Variants in MYT1L observed in about 807,000 individuals in gnomAD.
MYT1L encodes the protein myelin transcription factor 1 like, also known as myelin transcription factor 1-like protein.
In MYT1L, 12 loss-of-function variants were observed where a neutral mutation model predicts 126.7. That is an observed-to-expected ratio of 0.09 (90% CI 0.06 to 0.15). The LOEUF is 0.15. Ranked by LOEUF, MYT1L falls within the 10% of genes least tolerant of loss-of-function variation. MYT1L has a pLI of 1.00. For missense variants in MYT1L, 979 were observed against 1,585.2 expected (o/e 0.62, Z 6.49); for synonymous variants, 541 against 604.2 (o/e 0.90, Z 1.53).
intron 13 of MYT1L, among the ~76,000 whole-genome samples, chr2:1,905,634 G>A (rs117644104): frequency 3.3e-5 from 5 of 152,274 alleles, no homozygotes; most frequent in East Asian, 1.9e-4. Context: ...GATTACAGGC[G>A]CCAGCAACCA....
intron 2 of MYT1L, among the ~76,000 whole-genome samples, chr2:2,223,844 A>G (rs2093944888): frequency 1.3e-5 from 2 of 152,206 alleles, no homozygotes; most frequent in Non-Finnish European, 2.9e-5. Flanking sequence ...AGCAAAAGCT[A>G]TGCAAACACA....
chr2:2,135,561 T>C (rs1271864017), intron 3 of MYT1L, among the ~76,000 whole-genome samples: 1 of 152,210 alleles, frequency 6.6e-6, no homozygotes, highest in Non-Finnish European at 1.5e-5. Flanking sequence ...TGTCCCAAAG[T>C]ATGACACATG....
chr2:1,833,234 G>C (rs1018734106), intron 21 of MYT1L, among the ~76,000 whole-genome samples: 3 of 152,166 alleles, frequency 2.0e-5, no homozygotes, highest in Non-Finnish European at 2.9e-5. Context: ...AGGCTCTTAT[G>C]TGAGTCTGTT....
chr2:1,860,764 A>G (rs115887454), intron 18 of MYT1L, among the ~76,000 whole-genome samples: 2,050 of 151,986 alleles, frequency 0.013, 35 homozygotes, highest in African/African-American at 0.047. Context: ...AGAGGCAAGG[A>G]CTGTTTGTCC....
At chr2:2,142,163 C>T (rs1418452967) in intron 3 of MYT1L, among the ~76,000 whole-genome samples, 2 of 152,238 alleles carry the variant, frequency 1.3e-5, no homozygotes, top group East Asian at 1.9e-4. Context: ...CTGTTTGAGC[C>T]TTGTTCAGGA....
intron 18 of MYT1L, among the ~76,000 whole-genome samples, chr2:1,869,053 A>T (rs548442415): frequency 6.6e-6 from 1 of 152,380 alleles, no homozygotes; most frequent in Admixed American, 6.5e-5. Context: ...CTAGAGCTTC[A>T]GCCAGGACTG....
Position 2,071,484 on chromosome 2 carries a change from G to A in MYT1L, c.-303-17361C>T, listed in dbSNP as rs55676009. ...CAACTGGATGAGTACCATACAATAC[G>A]ATAAATGTCCTTACAATACAGAAAA... On this transcript the variant is annotated intron_variant, in intron 3 of 24. Coordinates refer to ENST00000647738, the MANE Select transcript of MYT1L (RefSeq NM_001303052.2). 8.4e-3 allele frequency among the ~76,000 whole-genome samples: 1,278 copies of A among 152,262 alleles called. 17 individuals are homozygous for A. The highest frequency in any genetic ancestry group is 0.026 in the African/African-American group (1,066 of 41,546).
intron 2 of MYT1L, 73 bp from the exon 3 acceptor site, chr2:2,173,061 CCT>C (rs757106298): frequency 6.6e-6 from 1 of 152,214 alleles, no homozygotes; most frequent in African/African-American, 2.4e-5. Context: ...GGTTTGTTCC[CCT>C]GTGCTGTGAC....
intron 22 of MYT1L, among the ~76,000 whole-genome samples, chr2:1,807,421 T>C (rs959872559): frequency 4.9e-4 from 75 of 152,030 alleles, no homozygotes; most frequent in African/African-American, 1.6e-3. Flanking sequence ...TTGGTGGATT[T>C]GGGGAGGAGG....
intron 3 of MYT1L, among the ~76,000 whole-genome samples, chr2:2,101,256 C>A (rs1488812045): frequency 6.6e-6 from 1 of 152,046 alleles, no homozygotes; most frequent in Non-Finnish European, 1.5e-5. Context: ...GCAGATCTCA[C>A]CAGCACTAAC....
intron 2 of MYT1L, among the ~76,000 whole-genome samples, chr2:2,200,313 T>C (rs1309825696): frequency 6.6e-6 from 1 of 152,120 alleles, no homozygotes; most frequent in Non-Finnish European, 1.5e-5. Context: ...AATTACTAGG[T>C]TGGAGGGCAA....
intron 14 of MYT1L, among the ~76,000 whole-genome samples, chr2:1,898,886 T>TG (rs1364111192): frequency 6.6e-6 from 1 of 150,928 alleles, no homozygotes; most frequent in Non-Finnish European, 1.5e-5. Context: ...TCCAGAGGAG[T>TG]CATGAAGGAG....
Position 2,224,190 on chromosome 2 carries a change from C to A in MYT1L, c.-420-51202G>T, listed in dbSNP as rs1299289862. On this transcript the variant is annotated intron_variant, in intron 2 of 24. Coordinates refer to ENST00000647738, the MANE Select transcript of MYT1L (RefSeq NM_001303052.2). This position sits in a 1 kb window ranked among gnomAD's most constrained non-coding sequence, Gnocchi z 4.0. ...ATTTGTATGTGAACAGGATCTTCTG[C>A]CTTTCTTATAGGGAAGAATTCTGTG... Among the ~76,000 whole-genome samples, 3 of 152,148 alleles carry A rather than the reference C, an allele frequency of 2.0e-5. No homozygotes were observed. In the East Asian group the frequency reaches 5.8e-4, roughly 29 times the overall value.
At chr2:2,028,931 G>T (rs1454805951) in intron 4 of MYT1L, among the ~76,000 whole-genome samples, 15 of 152,194 alleles carry the variant, frequency 9.9e-5, no homozygotes, top group Non-Finnish European at 1.9e-4. Flanking sequence ...CTGTGAGGAA[G>T]TGATGGTTAA....
Position 1,910,490 on chromosome 2 carries a change from T to C in MYT1L, c.1710-143A>G. 3.0e-6 allele frequency: 2 copies of C among 675,938 alleles called. No homozygotes were observed. The highest frequency in any genetic ancestry group is 5.2e-6 in the Non-Finnish European group (2 of 383,538). The allele number at this position is 675,938 out of a possible 1,614,324, so 41.9% of individuals were successfully genotyped here. On this transcript the variant is annotated intron_variant, in intron 12 of 24. Coordinates refer to ENST00000647738, the MANE Select transcript of MYT1L (RefSeq NM_001303052.2). This position sits in a 1 kb window ranked among gnomAD's most constrained non-coding sequence, Gnocchi z 4.8. ...CCAAACCTGGCACAGGCAGTCCTGA[T>C]GGGTGGACTGGGAGAGGGGGAGGTA...
In MYT1L at chr2:1,979,140, G is replaced by A. The variant is rs1485323771; in HGVS notation, c.152+25C>T. ...AATAAGTCACTTTAGACAGCACATTGTGGAAAAAAAAATGCAGGCATTACC... is the reference window on the plus strand; with the variant it reads ...AATAAGTCACTTTAGACAGCACATTATGGAAAAAAAAATGCAGGCATTACC... On this transcript the variant is annotated intron_variant, in intron 8 of 24. Coordinates refer to ENST00000647738, the MANE Select transcript of MYT1L (RefSeq NM_001303052.2). The surrounding 1 kb of genome is among the most constrained non-coding windows in gnomAD (Gnocchi z 4.0). 2 of 1,592,202 alleles carry A rather than the reference G, an allele frequency of 1.3e-6. No individual in the cohort carries two copies. Among genetic ancestry groups the A allele is most frequent in the Admixed American group, 3.4e-5 (2 of 58,722 alleles).
intron 4 of MYT1L, among the ~76,000 whole-genome samples, chr2:2,015,248 A>T (rs565442240): frequency 3.3e-5 from 5 of 152,102 alleles, no homozygotes; most frequent in Non-Finnish European, 7.3e-5. Flanking sequence ...GTTTCTGGGG[A>T]CTTAATTTGG....
chr2:1,873,664 C>T (rs1216260980), intron 18 of MYT1L, among the ~76,000 whole-genome samples: 1 of 152,210 alleles, frequency 6.6e-6, no homozygotes, highest in Non-Finnish European at 1.5e-5. Context: ...AGCCCCAATC[C>T]CAGACTCAGG....
At chr2:2,256,439 C>T (rs903319997) in intron 2 of MYT1L, among the ~76,000 whole-genome samples, 17 of 152,298 alleles carry the variant, frequency 1.1e-4, no homozygotes, top group Middle Eastern at 3.4e-3. Context: ...CTCACAATTC[C>T]GTATTATCTA....
Sources: gnomAD v4.1 joint callset for allele counts (sites outside exome capture counted in the v4.1 genomes callset) on GRCh38, gnomAD v4.1.1 for gene constraint, Gnocchi (gnomAD v3.1) non-coding constraint, MANE v1.5 for transcripts, NCBI Gene and HGNC (gene_info 2026-07-23, HGNC 2026-07-21) for gene names.